Variants in ASTN2 observed in about 807,000 individuals in gnomAD.
ASTN2 encodes the protein astrotactin 2.
A neutral mutation model predicts 139.8 loss-of-function variants in ASTN2; 54 were observed. The observed-to-expected ratio is 0.39, with a 90% CI of 0.31 to 0.48. The LOEUF (loss-of-function observed/expected upper bound fraction) is 0.48, where lower values mean the gene tolerates loss of function less well. ASTN2 is among the 20% of genes least tolerant of loss of function. The pLI is 0.95. For synonymous variants in ASTN2, 756 were observed against 719.5 expected, an observed-to-expected ratio of 1.05 and a Z score of -0.81; for missense variants, 1,565 against 1,725.1, an observed-to-expected ratio of 0.91 and a Z score of 1.64.
Position 117,163,273 on chromosome 9 carries a change from T to C in ASTN2, c.1016-21795A>G, listed in dbSNP as rs562211002. On this transcript the variant is annotated intron_variant, in intron 3 of 22. Transcript: ENST00000313400. ...CTGAAAGGTTGGCAAATATATGGCA[T>C]TGAACATCTCTGAATTGAGACTGTA... Among the ~76,000 whole-genome samples, 15 of 152,176 alleles carry C rather than the reference T, an allele frequency of 9.9e-5. No homozygotes were observed. In the South Asian group the frequency reaches 3.1e-3, roughly 32 times the overall value.
chr9:116,515,955 C>T (rs10983208), intron 19 of ASTN2, among the ~76,000 whole-genome samples: 1 of 152,004 alleles, frequency 6.6e-6, no homozygotes, highest in African/African-American at 2.4e-5. Flanking sequence ...TTCATTAGAC[C>T]TATGGTGGGG....
chr9:116,552,825 T>G (rs565397692), intron 19 of ASTN2, among the ~76,000 whole-genome samples: 1 of 152,244 alleles, frequency 6.6e-6, no homozygotes, highest in Admixed American at 6.5e-5. Flanking sequence ...CTAAGCTGCA[T>G]GGGCACAGTC....
chr9:117,311,661 C>T (rs1308437990), intron 1 of ASTN2, among the ~76,000 whole-genome samples: 1 of 152,108 alleles, frequency 6.6e-6, no homozygotes, highest in Non-Finnish European at 1.5e-5. Flanking sequence ...CAAAAAAAAC[C>T]TCTTTATTGA....
intron 4 of ASTN2, among the ~76,000 whole-genome samples, chr9:117,125,622 C>T (rs1400117565): frequency 2.0e-5 from 3 of 152,156 alleles, no homozygotes; most frequent in African/African-American, 7.2e-5. Flanking sequence ...ATTAACTGCT[C>T]CTGCAGAGAG....
intron 1 of ASTN2, among the ~76,000 whole-genome samples, chr9:117,404,721 G>T (rs557588845): frequency 1.3e-4 from 20 of 152,132 alleles, no homozygotes; most frequent in African/African-American, 4.1e-4. Context: ...CAGACACCCT[G>T]ATCATTTCCC....
At chr9:116,818,759 A>G (rs1006893905) in intron 12 of ASTN2, among the ~76,000 whole-genome samples, 1 of 152,222 alleles carries the variant, frequency 6.6e-6, no homozygotes, top group African/African-American at 2.4e-5. Context: ...GTAAATGGTA[A>G]TATATTTAGT....
At chr9:116,861,870 G>A (rs1832890580) in intron 11 of ASTN2, among the ~76,000 whole-genome samples, 1 of 152,122 alleles carries the variant, frequency 6.6e-6, no homozygotes, top group Admixed American at 6.5e-5. Flanking sequence ...ACAGTGCTAA[G>A]GAAAGCAGAG....
intron 17 of ASTN2, among the ~76,000 whole-genome samples, chr9:116,642,486 T>A (rs1857391518): frequency 1.3e-5 from 2 of 152,074 alleles, no homozygotes; most frequent in African/African-American, 4.8e-5. Flanking sequence ...CCTTAGTCAA[T>A]ACTTGTTCAA....
At chr9:116,988,322 T>C (rs1836742181) in intron 7 of ASTN2, among the ~76,000 whole-genome samples, 2 of 152,230 alleles carry the variant, frequency 1.3e-5, no homozygotes, top group Non-Finnish European at 2.9e-5. Context: ...ACTCTTCTCA[T>C]TGAGCAACAT....
chr9:116,976,110 T>A lies in ASTN2; in HGVS notation c.1751+4A>T. The A allele has an allele frequency of 6.2e-7, 1 of 1,614,022 alleles. No homozygotes were observed. Among genetic ancestry groups the A allele is most frequent in the Non-Finnish European group, 8.5e-7 (1 of 1,179,930 alleles). On this transcript the variant is annotated splice_donor_region_variant and intron_variant, in intron 9 of 22. Coordinates refer to ENST00000313400, the MANE Select transcript of ASTN2 (RefSeq NM_001365068.1). ...ATTATGCCCCAACAAGAAAGCCAAC[T>A]CACCTGAGAATCTTTTCAGGGGCTT... is the stretch of plus-strand genomic sequence containing the variant.
At chr9:117,067,661 T>C (rs1587926473) in intron 5 of ASTN2, among the ~76,000 whole-genome samples, 1 of 140,198 alleles carries the variant, frequency 7.1e-6, no homozygotes, top group African/African-American at 2.6e-5. Flanking sequence ...CTTCCATTTG[T>C]TTGTATCCTC....
chr9:117,348,716 G>A lies in ASTN2; in HGVS notation c.443-57203C>T, dbSNP rs570556117. Among the ~76,000 whole-genome samples, 6 of 152,204 alleles carry A rather than the reference G, an allele frequency of 3.9e-5. No homozygotes were observed. The South Asian group carries it at 1.2e-3, about 32-fold the overall frequency. On this transcript the variant is annotated intron_variant, in intron 1 of 22. Coordinates refer to ENST00000313400, the MANE Select transcript of ASTN2 (RefSeq NM_001365068.1). ...AGCTCCTTTTTACTGTGAGCAAAAGGGAGGCAAAGAAAGACATCTCAACTT... is the reference window on the plus strand; with the variant it reads ...AGCTCCTTTTTACTGTGAGCAAAAGAGAGGCAAAGAAAGACATCTCAACTT...
Position 116,624,336 on chromosome 9 carries a change from A to G in ASTN2, c.3073-3893T>C, listed in dbSNP as rs925733970. Among the ~76,000 whole-genome samples, 16 of 152,300 alleles carry G rather than the reference A, an allele frequency of 1.1e-4. 1 individual carries two copies. In the South Asian group the frequency reaches 3.3e-3, roughly 32 times the overall value. On this transcript the variant is annotated intron_variant, in intron 17 of 22. Transcript: ENST00000313400. Reference sequence around the variant, plus strand: ...TCAGTACACATTCACTGAACTTCCTACTTCATACCTTGTGCCTTCCAGAAA... The same window carrying G: ...TCAGTACACATTCACTGAACTTCCTGCTTCATACCTTGTGCCTTCCAGAAA...
intron 16 of ASTN2, among the ~76,000 whole-genome samples, chr9:116,666,056 TA>T (rs902282703): frequency 2.6e-5 from 4 of 152,192 alleles, no homozygotes; most frequent in Non-Finnish European, 4.4e-5. Context: ...ATCACAAAAT[TA>T]CCATTTCATA....
intron 10 of ASTN2, among the ~76,000 whole-genome samples, chr9:116,905,164 C>T (rs990739469): frequency 2.8e-5 from 4 of 141,682 alleles, no homozygotes; most frequent in Non-Finnish European, 6.2e-5. Context: ...GGAGGGGCCG[C>T]GGGTGGGTGG....
At position 116,863,746 on chromosome 9, in the gene ASTN2, G is replaced by C; in HGVS notation, c.1890-13C>G. Reference sequence around the variant, plus strand: ...CATCGCTTCTTCCCTTGGAGAGAAAGGGGATGGTTAAACCCCAGAGACATT... The same window carrying C: ...CATCGCTTCTTCCCTTGGAGAGAAACGGGATGGTTAAACCCCAGAGACATT... On this transcript the variant is annotated splice_polypyrimidine_tract_variant and intron_variant, in intron 10 of 22. Coordinates refer to ENST00000313400, the MANE Select transcript of ASTN2 (RefSeq NM_001365068.1). 1 of 1,605,368 alleles carries C rather than the reference G, an allele frequency of 6.2e-7. No homozygotes were observed. The highest frequency in any genetic ancestry group is 2.2e-5 in the East Asian group (1 of 44,650).
At chr9:117,168,185 G>T (rs1338076498) in intron 3 of ASTN2, among the ~76,000 whole-genome samples, 1 of 152,098 alleles carries the variant, frequency 6.6e-6, no homozygotes, top group Non-Finnish European at 1.5e-5. Context: ...CAATAGGAGG[G>T]AGAGCTCTAA....
intron 3 of ASTN2, among the ~76,000 whole-genome samples, chr9:117,154,439 G>A (rs1036619732): frequency 1.3e-5 from 2 of 152,026 alleles, no homozygotes; most frequent in African/African-American, 4.8e-5. Context: ...CAGCAGATCT[G>A]GAAGCAGAAG....
intron 10 of ASTN2, 89 bp downstream of exon 10, chr9:116,975,119 A>G (rs926871372): frequency 3.8e-6 from 5 of 1,327,784 alleles, no homozygotes; most frequent in African/African-American, 3.0e-5. Context: ...CAGCAAGAAC[A>G]CTCCTTAGGG....
Sources: allele counts gnomAD v4.1 joint callset (sites outside exome capture counted in the v4.1 genomes callset), GRCh38; gene constraint gnomAD v4.1.1; transcripts MANE v1.5; gene names NCBI Gene and HGNC (gene_info 2026-07-23, HGNC 2026-07-21).